Variants in UNKL observed in about 807,000 individuals in gnomAD.
UNKL encodes the protein unk like zinc finger.
In UNKL, 60 loss-of-function variants were observed where a neutral mutation model predicts 78.0. The ratio of observed to expected loss-of-function variants is 0.77; its 90% CI spans 0.63 to 0.95. The LOEUF (loss-of-function observed/expected upper bound fraction) is 0.95. UNKL is among the 40% of genes least tolerant of loss of function. The pLI, the probability that UNKL is intolerant of heterozygous loss-of-function variation, is 0.00. For missense variants in UNKL, 1,159 were observed against 1,045.7 expected, an observed-to-expected ratio of 1.11 and a Z score of -1.49; for synonymous variants, 608 against 474.8, an observed-to-expected ratio of 1.28 and a Z score of -3.65.
chr16:1,380,323 C>CA (rs2036553788), intron 10 of UNKL, among the ~76,000 whole-genome samples: 1 of 152,306 alleles, frequency 6.6e-6, no homozygotes, highest in Middle Eastern at 3.4e-3. Flanking sequence ...CAGCTTTGTC[C>CA]AAAACCCTCT....
chr16:1,366,941 G>C, intron 14 of UNKL, 151 bp downstream of exon 14: 1 of 1,394,252 alleles, frequency 7.2e-7, no homozygotes, highest in African/African-American at 1.5e-5. Flanking sequence ...GGGCTGTGCT[G>C]GGGTGGGGCA....
rs1395793970 is a variant in UNKL, at chr16:1,385,211, G to T, written c.1261C>A (p.Leu421Ile). ...GPASSTVEAV[L>I]GSALDLHLSN... ...AGGAGGACGGTGCTGGACTTACCGA[G>T]GACGGCCTCCACAGTGCTGCTGGCG... The change falls in exon 10 of 15, where the codon CTC (leucine) becomes ATC (isoleucine). Residue 421 changes from leucine (L) to isoleucine (I), a missense_variant. By Grantham distance (5) the Leu-to-Ile change is conservative. Coordinates refer to ENST00000389221, the MANE Select transcript of UNKL (RefSeq NM_001372107.1). 6.2e-6 allele frequency: 8 copies of T among 1,282,694 alleles called. No individual in the cohort carries two copies. Among genetic ancestry groups the T allele is most frequent in the Non-Finnish European group, 7.9e-6 (8 of 1,015,676 alleles). 79.5% of individuals were successfully genotyped at this position (1,282,694 alleles called of 1,614,324 possible). A position where few individuals can be genotyped will look rare whatever the true frequency, so the allele number is the denominator to read the frequency against.
At chr16:1,369,985 G>A (rs1191691869) in intron 12 of UNKL, 145 bp downstream of exon 12, 4 of 1,550,830 alleles carry the variant, frequency 2.6e-6, no homozygotes, top group African/African-American at 1.4e-5. Context: ...CGGCGTGGGG[G>A]AACCTGTGAG....
At chr16:1,409,030 C>T in intron 2 of UNKL, 1 of 152,152 alleles carries the variant, frequency 6.6e-6, no homozygotes, top group African/African-American at 2.4e-5. Flanking sequence ...CATTCTCCTG[C>T]CTCAGCCTCC....
chr16:1,387,801 C>T lies in UNKL; in HGVS notation c.1087-2416G>A, dbSNP rs529922016. Among the ~76,000 whole-genome samples the T allele has an allele frequency of 6.6e-6, 1 of 151,724 alleles. No individual in the cohort carries two copies. The highest frequency in any genetic ancestry group is 1.5e-5 in the Non-Finnish European group (1 of 67,836). ...TGCCCGGCCTGCGGAAGCCCTCCCC[C>T]ACCCCCGCCTCATCCCATCTCTTGG... On this transcript the variant is annotated intron_variant, in intron 9 of 14. Coordinates refer to ENST00000389221, the MANE Select transcript of UNKL (RefSeq NM_001372107.1). The surrounding 1 kb of genome is among the most constrained non-coding windows in gnomAD (Gnocchi z 4.1).
intron 9 of UNKL, among the ~76,000 whole-genome samples, chr16:1,386,874 A>C (rs1425601306): frequency 2.0e-5 from 3 of 152,198 alleles, no homozygotes; most frequent in African/African-American, 7.2e-5. Context: ...CTCTGAAAAC[A>C]GTCCCCTCCA....
intron 2 of UNKL, among the ~76,000 whole-genome samples, chr16:1,409,274 G>T (rs568861302): frequency 6.6e-6 from 1 of 152,164 alleles, no homozygotes; most frequent in Non-Finnish European, 1.5e-5. Context: ...TATTCTGAAC[G>T]TTCCTTTATT....
intron 10 of UNKL, among the ~76,000 whole-genome samples, chr16:1,375,678 C>T (rs1291216952): frequency 6.6e-6 from 1 of 152,192 alleles, no homozygotes; most frequent in African/African-American, 2.4e-5. Context: ...TCGGGGCAGC[C>T]AGGCCAAGAC....
chr16:1,407,153 A>G (rs2037801640), intron 2 of UNKL: 1 of 151,734 alleles, frequency 6.6e-6, no homozygotes, highest in South Asian at 2.1e-4. Context: ...GATCTCAAAA[A>G]AAAGAAAGAA....
chr16:1,413,725 C>T (rs2038152805), intron 2 of UNKL, 121 bp downstream of exon 2: 4 of 1,126,148 alleles, frequency 3.6e-6, no homozygotes, highest in Admixed American at 2.9e-5. Context: ...CGTATAATTA[C>T]GACTCCCTCT....
At chr16:1,385,082 G>T in intron 10 of UNKL, 126 bp downstream of exon 10, 1 of 744,728 alleles carries the variant, frequency 1.3e-6, no homozygotes, top group Non-Finnish European at 1.8e-6. Flanking sequence ...CTGAAAATAC[G>T]CGTCTGGCTT....
chr16:1,399,542 G>GC lies in UNKL; in HGVS notation c.599-34dup. ...ATGGGCCACACGGTGCCTGAGCAGC[G>GC]CGACTGGAAGCAATGCTGGGCAGAG... On this transcript the variant is annotated intron_variant, in intron 4 of 14. Coordinates refer to ENST00000389221, the MANE Select transcript of UNKL (RefSeq NM_001372107.1). The surrounding 1 kb of genome is among the most constrained non-coding windows in gnomAD (Gnocchi z 5.8). 6.4e-7 allele frequency: 1 copy of GC among 1,568,876 alleles called. No homozygotes were observed. Among genetic ancestry groups the GC allele is most frequent in the Non-Finnish European group, 8.6e-7 (1 of 1,159,508 alleles).
At chr16:1,369,376 T>TA (rs1442371042) in intron 12 of UNKL, among the ~76,000 whole-genome samples, 1 of 147,096 alleles carries the variant, frequency 6.8e-6, no homozygotes, top group African/African-American at 2.5e-5. Flanking sequence ...CTTTTTCTCT[T>TA]TTTTTTTTTT....
intron 10 of UNKL, among the ~76,000 whole-genome samples, chr16:1,380,673 A>ATTTTTTTTTTT (rs57595079): frequency 6.0e-5 from 6 of 99,408 alleles, no homozygotes; most frequent in African/African-American, 2.0e-4. Context: ...CTGGTTCAGG[A>ATTTTTTTTTTT]TTTTTTTTTT....
chr16:1,391,781 G>A (rs1024201385), intron 8 of UNKL, among the ~76,000 whole-genome samples: 3 of 152,110 alleles, frequency 2.0e-5, no homozygotes, highest in African/African-American at 7.2e-5. Context: ...TCCACCTCCC[G>A]GGTTCAAGCA....
chr16:1,407,669 C>G lies in UNKL; in HGVS notation c.288-4325G>C, dbSNP rs1386148265. Among the ~76,000 whole-genome samples, 5 of 150,176 alleles carry G rather than the reference C, an allele frequency of 3.3e-5. No homozygotes were observed. The South Asian group carries it at 1.1e-3, about 32-fold the overall frequency. ...CAAGATCACACCACTGCACTCCAGC[C>G]TGGGCGACAGAGTGAGGCCCTGTCA... On this transcript the variant is annotated intron_variant, in intron 2 of 14. Transcript: ENST00000389221.
chr16:1,366,569 C>T (rs755709449), intron 14 of UNKL, among the ~76,000 whole-genome samples, 174 bp from the exon 15 acceptor site: 10 of 152,162 alleles, frequency 6.6e-5, no homozygotes, highest in Non-Finnish European at 1.2e-4. Flanking sequence ...AAGGCAGCTG[C>T]GGGGTCAGGG....
chr16:1,374,902 G>A (rs919955063), intron 10 of UNKL, among the ~76,000 whole-genome samples: 1 of 152,238 alleles, frequency 6.6e-6, no homozygotes, highest in South Asian at 2.1e-4. Context: ...AGCAGGAAAG[G>A]CAGGAGGGTG....
chr16:1,402,439 G>A (rs2037568760), intron 3 of UNKL, among the ~76,000 whole-genome samples: 1 of 152,158 alleles, frequency 6.6e-6, no homozygotes, highest in Non-Finnish European at 1.5e-5. Context: ...GAGGCGGGCA[G>A]ATCATGAGGT....
Sources: allele counts gnomAD v4.1 joint callset (sites outside exome capture counted in the v4.1 genomes callset), GRCh38; gene constraint gnomAD v4.1.1; non-coding constraint Gnocchi (gnomAD v3.1); transcripts MANE v1.5; gene names NCBI Gene and HGNC (gene_info 2026-07-23, HGNC 2026-07-21).